PSMB1: variants seen among roughly 807,000 people sequenced by gnomAD.
PSMB1 encodes proteasome 20S subunit beta 1, also known as proteasome subunit beta type-1.
A neutral mutation model predicts 25.4 loss-of-function variants in PSMB1; 7 were observed. The ratio of observed to expected loss-of-function variants is 0.28; its 90% confidence interval spans 0.16 to 0.52. PSMB1 has a LOEUF of 0.52. Among genes scored for constraint, PSMB1 ranks in the 20% least tolerant of loss-of-function variants. The pLI is 0.97. For missense variants in PSMB1, 284 were observed against 302.2 expected (o/e 0.94, Z 0.45); for synonymous variants, 119 against 115.0 (o/e 1.03, Z -0.22).
intron 4 of PSMB1, among the ~76,000 whole-genome samples, chr6:170,540,588 CAAAAAAAAAAAAAAAA>C: frequency 1.6e-5 from 1 of 61,174 alleles, no homozygotes; most frequent in Non-Finnish European, 2.7e-5. Context: ...GAATGGACAG[CAAAAAAAAAAAAAAAA>C]AAAAAAAAAT....
At chr6:170,542,731 C>T (rs1562352132) in intron 4 of PSMB1, among the ~76,000 whole-genome samples, 1 of 152,124 alleles carries the variant, frequency 6.6e-6, no homozygotes, top group Non-Finnish European at 1.5e-5. Context: ...CGGGGCAGTC[C>T]CTTACAGGAA....
At chr6:170,541,843 G>A (rs1033274736) in intron 4 of PSMB1, among the ~76,000 whole-genome samples, 1 of 152,142 alleles carries the variant, frequency 6.6e-6, no homozygotes, top group Non-Finnish European at 1.5e-5. Flanking sequence ...TGCTTAGTAG[G>A]TATCAGCTTT....
At chr6:170,535,503 T>C in intron 5 of PSMB1, 98 bp from the exon 6 acceptor site, 4 of 1,062,082 alleles carry the variant, frequency 3.8e-6, no homozygotes, top group Non-Finnish European at 5.4e-6. Context: ...CGAGGATTTG[T>C]GATGAAAATA....
chr6:170,538,638 G>A (rs1293559659), intron 4 of PSMB1, among the ~76,000 whole-genome samples: 1 of 152,206 alleles, frequency 6.6e-6, no homozygotes, highest in Non-Finnish European at 1.5e-5. Context: ...GGCGGAGGTT[G>A]TGGTGAGCCG....
rs141637149 is a variant in PSMB1 at position 170,542,066 on chromosome 6, A to G, written c.433+1535T>C. On this transcript the variant is annotated intron_variant, in intron 4 of 5. Coordinates refer to ENST00000262193, the MANE Select transcript of PSMB1 (RefSeq NM_002793.4). ...ATTTGTAGCTAGACTCTAATTACCCATGTTAAAGGTAATTCATTTCTATTT... is the reference window on the plus strand; with the variant it reads ...ATTTGTAGCTAGACTCTAATTACCCGTGTTAAAGGTAATTCATTTCTATTT... 2.7e-3 allele frequency among the ~76,000 whole-genome samples: 413 copies of G among 152,310 alleles called. 3 individuals are homozygous for G. The highest frequency in any genetic ancestry group is 9.2e-3 in the African/African-American group (384 of 41,560).
Position 170,535,365 on chromosome 6 carries a change from A to G in PSMB1, c.581T>C (p.Leu194Pro). The G allele has an allele frequency of 1.9e-6, 3 of 1,614,012 alleles. No homozygotes were observed. The highest frequency in any genetic ancestry group is 2.5e-6 in the Non-Finnish European group (3 of 1,179,978). ...CAGCCGCATGGCTCTGTCCAAGGAC[A>G]GCGGAACATGCTCCACATTCTGCAT... ...KNMQNVEHVP[L>P]SLDRAMRLVK... The change falls in exon 6 of 6, where the codon CTG (leucine) becomes CCG (proline). Residue 194 changes from leucine (L) to proline (P), a missense_variant. Coordinates refer to ENST00000262193, the MANE Select transcript of PSMB1 (RefSeq NM_002793.4).
intron 2 of PSMB1, among the ~76,000 whole-genome samples, chr6:170,547,113 T>C (rs1229526469): frequency 6.6e-6 from 1 of 152,176 alleles, no homozygotes; most frequent in Non-Finnish European, 1.5e-5. Context: ...CCTAACTAAC[T>C]AAATGCTGGT....
chr6:170,546,470 TTGAC>T (rs574671215), intron 2 of PSMB1, among the ~76,000 whole-genome samples: 31 of 152,318 alleles, frequency 2.0e-4, no homozygotes, highest in African/African-American at 6.7e-4. Flanking sequence ...GGTAGGTTAA[TTGAC>T]TGATTTTTGA....
chr6:170,543,763 G>C, intron 3 of PSMB1, 33 bp from the exon 4 acceptor site: 1 of 1,588,004 alleles, frequency 6.3e-7, no homozygotes, highest in Non-Finnish European at 8.6e-7. Flanking sequence ...CAGGCATGTA[G>C]AGGCAGAGGC....
chr6:170,539,638 G>A (rs1003893242), intron 4 of PSMB1, among the ~76,000 whole-genome samples: 11 of 152,016 alleles, frequency 7.2e-5, no homozygotes, highest in African/African-American at 2.2e-4. Flanking sequence ...ATATAAAATC[G>A]GGTACTCAGG....
intron 1 of PSMB1, among the ~76,000 whole-genome samples, chr6:170,550,789 C>T (rs879455202): frequency 3.3e-5 from 5 of 151,470 alleles, no homozygotes; most frequent in Non-Finnish European, 7.4e-5. Context: ...CCAATTATGA[C>T]ATCCAAGATT....
At chr6:170,541,594 A>C (rs1332433154) in intron 4 of PSMB1, among the ~76,000 whole-genome samples, 1 of 152,222 alleles carries the variant, frequency 6.6e-6, no homozygotes, top group Non-Finnish European at 1.5e-5. Context: ...AAAAGAGCTG[A>C]AAACTGTCTT....
intron 2 of PSMB1, among the ~76,000 whole-genome samples, chr6:170,546,614 C>T (rs894217685): frequency 4.6e-5 from 7 of 152,066 alleles, no homozygotes; most frequent in African/African-American, 9.7e-5. Context: ...TACAGGCACC[C>T]GCCACCACAC....
chr6:170,539,658 T>TA (rs1778733771), intron 4 of PSMB1, among the ~76,000 whole-genome samples: 1 of 152,202 alleles, frequency 6.6e-6, no homozygotes. Flanking sequence ...GGTACTGGCG[T>TA]ATCCTTCAGA....
intron 1 of PSMB1, among the ~76,000 whole-genome samples, chr6:170,552,776 G>A (rs944941044): frequency 6.6e-6 from 1 of 152,222 alleles, no homozygotes; most frequent in African/African-American, 2.4e-5. Context: ...CAGTTTTAAT[G>A]GTCTTCCACA....
chr6:170,535,765 G>A (rs936664342), intron 5 of PSMB1, among the ~76,000 whole-genome samples: 6 of 152,330 alleles, frequency 3.9e-5, no homozygotes, highest in Admixed American at 2.0e-4. Context: ...CAGCAGAAAG[G>A]ACTTTTAAGT....
At chr6:170,540,588 CAAAAAAAA>C (rs5881872) in intron 4 of PSMB1, among the ~76,000 whole-genome samples, 91 of 61,172 alleles carry the variant, frequency 1.5e-3, no homozygotes, top group Non-Finnish European at 2.2e-3. Flanking sequence ...GAATGGACAG[CAAAAAAAA>C]AAAAAAAAAA....
At chr6:170,536,909 A>G (rs529038047) in intron 5 of PSMB1, among the ~76,000 whole-genome samples, 25 of 152,238 alleles carry the variant, frequency 1.6e-4, no homozygotes, top group African/African-American at 6.0e-4. Context: ...GGTAAGAGGG[A>G]AAAAGGCATT....
At chr6:170,538,766 G>A (rs1296963711) in intron 4 of PSMB1, among the ~76,000 whole-genome samples, 1 of 152,220 alleles carries the variant, frequency 6.6e-6, no homozygotes, top group Non-Finnish European at 1.5e-5. Context: ...GGTCACCTAA[G>A]AAACTGGGAA....
Sources: allele counts gnomAD v4.1 joint callset (sites outside exome capture counted in the v4.1 genomes callset), GRCh38; gene constraint gnomAD v4.1.1; transcripts MANE v1.5; gene names NCBI Gene and HGNC (gene_info 2026-07-23, HGNC 2026-07-21).